The following RALYL variants were observed in gnomAD, a reference collection of about 807,000 sequenced individuals.
The protein encoded by RALYL is RNA-binding Raly-like protein.
In RALYL, 29 loss-of-function variants were observed where a neutral mutation model predicts 35.1. That is an observed-to-expected ratio of 0.83 (90% CI 0.61 to 1.13). The LOEUF is 1.13. RALYL is among the 50% of genes most tolerant of loss of function. The probability of loss-of-function intolerance (pLI) is 0.00; values close to 1 mark genes in which losing one functional copy is unlikely to be tolerated. For synonymous variants in RALYL, 120 were observed against 127.6 expected (o/e 0.94, Z 0.40); for missense variants, 359 against 360.4 (o/e 1.00, Z 0.03).
intron 3 of RALYL, among the ~76,000 whole-genome samples, chr8:84,788,405 A>T (rs572646446): frequency 6.6e-6 from 1 of 152,332 alleles, no homozygotes; most frequent in East Asian, 1.9e-4. Flanking sequence ...ACTTTAATAC[A>T]TAATGCAATT....
rs147574836 is a variant in RALYL, at chr8:84,688,736, A to G, written c.257-85843A>G. Among the ~76,000 whole-genome samples, 601 of 152,290 alleles carry G rather than the reference A, an allele frequency of 3.9e-3. 6 individuals carry two copies. The highest frequency in any genetic ancestry group is 0.013 in the African/African-American group (553 of 41,588). Reference sequence around the variant, plus strand: ...AAAAGTAGAAAAATAGGATTGCATCAAACTAAGAAGCTTTTTCACAGCAAG... The same window carrying G: ...AAAAGTAGAAAAATAGGATTGCATCGAACTAAGAAGCTTTTTCACAGCAAG... On this transcript the variant is annotated intron_variant, in intron 2 of 8. Transcript: ENST00000521268.
intron 2 of RALYL, among the ~76,000 whole-genome samples, chr8:84,739,987 G>T (rs1847990752): frequency 6.6e-6 from 1 of 151,746 alleles, no homozygotes; most frequent in Admixed American, 6.6e-5. Flanking sequence ...CAATAACAAA[G>T]AATTATATCA....
intron 2 of RALYL, among the ~76,000 whole-genome samples, chr8:84,716,863 CTT>C (rs1410542477): frequency 6.6e-6 from 1 of 151,962 alleles, no homozygotes; most frequent in Non-Finnish European, 1.5e-5. Context: ...TGCTTTGAAA[CTT>C]GAGTATCTAG....
intron 1 of RALYL, among the ~76,000 whole-genome samples, chr8:84,214,519 A>C (rs1392517235): frequency 6.6e-6 from 1 of 152,190 alleles, no homozygotes; most frequent in Admixed American, 6.5e-5. Flanking sequence ...TAAAATGTGC[A>C]ATAATGACTT....
intron 2 of RALYL, among the ~76,000 whole-genome samples, chr8:84,666,103 A>C (rs957302214): frequency 6.6e-6 from 1 of 152,008 alleles, no homozygotes; most frequent in Non-Finnish European, 1.5e-5. Flanking sequence ...TGTCAGTAAA[A>C]CAAAGATAAC....
At chr8:84,347,746 T>C (rs1850105035) in intron 1 of RALYL, among the ~76,000 whole-genome samples, 1 of 152,154 alleles carries the variant, frequency 6.6e-6, no homozygotes, top group Non-Finnish European at 1.5e-5. Context: ...GCTGTTTCAC[T>C]GCAACTGAAA....
At chr8:84,450,038 A>G (rs896673435) in intron 1 of RALYL, among the ~76,000 whole-genome samples, 20 of 151,980 alleles carry the variant, frequency 1.3e-4, no homozygotes, top group Admixed American at 1.2e-3. Context: ...GAGTTATAGC[A>G]TTGTTGTAGA....
intron 1 of RALYL, chr8:84,346,100 A>G (rs1849783091): frequency 1.0e-6 from 1 of 983,114 alleles, no homozygotes; most frequent in Non-Finnish European, 1.2e-6. Context: ...CAATTGCTCT[A>G]TTTTCTCTTC....
chr8:84,916,194 T>G (rs1848445979), intron 8 of RALYL, among the ~76,000 whole-genome samples: 1 of 152,176 alleles, frequency 6.6e-6, no homozygotes, highest in Non-Finnish European at 1.5e-5. Flanking sequence ...CCTATAAGTA[T>G]TATAAAGTGA....
chr8:84,467,628 G>T lies in RALYL; in HGVS notation c.-23-61671G>T, dbSNP rs556911091. Among the ~76,000 whole-genome samples the T allele has an allele frequency of 1.1e-3, 174 of 151,954 alleles. 1 individual carries two copies. The highest frequency in any genetic ancestry group is 3.2e-3 in the African/African-American group (133 of 41,430). On this transcript the variant is annotated intron_variant, in intron 1 of 8. Coordinates refer to ENST00000521268, the MANE Select transcript of RALYL (RefSeq NM_173848.7). ...AAAAAATGTATATTCTGTTGATTTGGGGTGGACAGTTCTGTAGATGTCTAT... is the reference window on the plus strand; with the variant it reads ...AAAAAATGTATATTCTGTTGATTTGTGGTGGACAGTTCTGTAGATGTCTAT...
intron 2 of RALYL, among the ~76,000 whole-genome samples, chr8:84,549,275 C>T (rs1446656861): frequency 6.6e-6 from 1 of 152,158 alleles, no homozygotes; most frequent in African/African-American, 2.4e-5. Context: ...ACAGTCAACC[C>T]TTTAATCACT....
chr8:84,490,391 A>T (rs1437442277), intron 1 of RALYL, among the ~76,000 whole-genome samples: 1 of 151,962 alleles, frequency 6.6e-6, no homozygotes, highest in Admixed American at 6.6e-5. Flanking sequence ...TGGGAGGTGA[A>T]ATAAAAAAGA....
intron 2 of RALYL, among the ~76,000 whole-genome samples, chr8:84,603,974 C>A (rs1816557201): frequency 6.6e-6 from 1 of 152,016 alleles, no homozygotes; most frequent in South Asian, 2.1e-4. Flanking sequence ...AATTTCTATT[C>A]ACTTTCCTAC....
intron 1 of RALYL, among the ~76,000 whole-genome samples, chr8:84,425,347 A>G (rs1463626056): frequency 6.6e-6 from 1 of 152,072 alleles, no homozygotes; most frequent in Non-Finnish European, 1.5e-5. Context: ...TTTGACTCGG[A>G]AAGGGAACTC....
At position 84,637,084 on chromosome 8, in the gene RALYL, T is replaced by C. The variant is rs143442908; in HGVS notation, c.256+107507T>C. On this transcript the variant is annotated intron_variant, in intron 2 of 8. Coordinates refer to ENST00000521268, the MANE Select transcript of RALYL (RefSeq NM_173848.7). Reference sequence around the variant, plus strand: ...TACATACAGTTATGTAGATGCTTGGTAAAATGTTATTATACTATTTAGGTT... The same window carrying C: ...TACATACAGTTATGTAGATGCTTGGCAAAATGTTATTATACTATTTAGGTT... Among the ~76,000 whole-genome samples, 249 of 152,042 alleles carry C rather than the reference T, an allele frequency of 1.6e-3. 2 individuals carry two copies. Among genetic ancestry groups the C allele is most frequent in the African/African-American group, 5.2e-3 (217 of 41,532 alleles).
chr8:84,802,491 C>CTATT (rs1823568238), intron 3 of RALYL, among the ~76,000 whole-genome samples: 1 of 151,068 alleles, frequency 6.6e-6, no homozygotes, highest in African/African-American at 2.5e-5. Context: ...AAGGGGACAA[C>CTATT]TATTAATAAC....
intron 2 of RALYL, among the ~76,000 whole-genome samples, chr8:84,620,456 G>A (rs1183671588): frequency 8.0e-4 from 120 of 150,136 alleles, no homozygotes; most frequent in African/African-American, 2.8e-3. Context: ...AGCTCCTTTA[G>A]GCACTTCTCT....
intron 1 of RALYL, among the ~76,000 whole-genome samples, chr8:84,467,240 G>A (rs1286458846): frequency 3.9e-5 from 6 of 151,992 alleles, no homozygotes; most frequent in African/African-American, 2.4e-5. Context: ...ATGTTAGGGT[G>A]TCAGTTTTGG....
At chr8:84,796,038 A>G (rs1470936630) in intron 3 of RALYL, among the ~76,000 whole-genome samples, 1 of 152,202 alleles carries the variant, frequency 6.6e-6, no homozygotes, top group East Asian at 1.9e-4. Flanking sequence ...GAGAAGGGAT[A>G]TGGCTGGCAC....
Sources: gnomAD v4.1 joint callset for allele counts (sites outside exome capture counted in the v4.1 genomes callset) on GRCh38, gnomAD v4.1.1 for gene constraint, MANE v1.5 for transcripts, NCBI Gene and HGNC (gene_info 2026-07-23, HGNC 2026-07-21) for gene names.